The following TLN2 variants were observed in gnomAD, a reference collection of about 807,000 sequenced individuals.
TLN2 encodes talin-2.
TLN2 carries 118 observed loss-of-function variants against 294.7 expected under a neutral mutation model. That is an observed-to-expected ratio of 0.40 (90% CI 0.34 to 0.47). TLN2 has a LOEUF of 0.47. TLN2 is among the 20% of genes least tolerant of loss of function. The probability of loss-of-function intolerance (pLI) is 0.84; values close to 1 mark genes in which losing one functional copy is unlikely to be tolerated. For synonymous variants in TLN2, 1,431 were observed against 1,304.5 expected, an observed-to-expected ratio of 1.10 and a Z score of -2.09; for missense variants, 3,083 against 3,282.2, an observed-to-expected ratio of 0.94 and a Z score of 1.48.
intron 1 of TLN2, among the ~76,000 whole-genome samples, chr15:62,424,654 T>G: frequency 1.0e-5 from 1 of 97,572 alleles, no homozygotes; most frequent in Non-Finnish European, 2.4e-5. Context: ...TTCTTTTTCC[T>G]TTTTTTTTGT....
intron 3 of TLN2, among the ~76,000 whole-genome samples, chr15:62,628,001 C>A (rs2049433836): frequency 6.6e-6 from 1 of 152,160 alleles, no homozygotes; most frequent in African/African-American, 2.4e-5. Context: ...AGGGCAAAAT[C>A]ACACAGGAAC....
chr15:62,488,760 C>G (rs953825443), intron 1 of TLN2, among the ~76,000 whole-genome samples: 1 of 152,196 alleles, frequency 6.6e-6, no homozygotes, highest in Non-Finnish European at 1.5e-5. Flanking sequence ...TTTACTGAGC[C>G]TCTCAGTGTG....
At chr15:62,643,948 A>G (rs1015748651) in intron 3 of TLN2, among the ~76,000 whole-genome samples, 1 of 152,140 alleles carries the variant, frequency 6.6e-6, no homozygotes, top group Non-Finnish European at 1.5e-5. Context: ...AACCATGTCT[A>G]TGTAGATAAC....
At chr15:62,426,158 G>C (rs942965555) in intron 1 of TLN2, among the ~76,000 whole-genome samples, 1 of 152,168 alleles carries the variant, frequency 6.6e-6, no homozygotes, top group East Asian at 1.9e-4. Context: ...GAAGCCATGG[G>C]GTGGTGTCCT....
At chr15:62,731,802 T>C (rs1338502124) in intron 28 of TLN2, among the ~76,000 whole-genome samples, 2 of 152,232 alleles carry the variant, frequency 1.3e-5, no homozygotes, top group Non-Finnish European at 2.9e-5. Context: ...AAATAAATGT[T>C]TTATATATGT....
chr15:62,702,698 C>A, intron 18 of TLN2, 68 bp from the exon 19 acceptor site: 1 of 1,481,724 alleles, frequency 6.7e-7, no homozygotes, highest in Non-Finnish European at 9.4e-7. Context: ...ACTTCCTGTA[C>A]TTCCATGTCT....
At chr15:62,565,142 G>A (rs1401986665) in intron 1 of TLN2, among the ~76,000 whole-genome samples, 1 of 152,014 alleles carries the variant, frequency 6.6e-6, no homozygotes, top group Non-Finnish European at 1.5e-5. Flanking sequence ...CATGCTGGGT[G>A]AAGTCCCAGC....
At chr15:62,445,577 A>G (rs958797395) in intron 1 of TLN2, among the ~76,000 whole-genome samples, 11 of 152,230 alleles carry the variant, frequency 7.2e-5, no homozygotes, top group African/African-American at 1.4e-4. Context: ...TGCTGAAACT[A>G]TTAATGTGAT....
At position 62,477,911 on chromosome 15, in the gene TLN2, T is replaced by A. The variant is rs866501013; in HGVS notation, c.-238+87226T>A. Among the ~76,000 whole-genome samples, 132 of 17,804 alleles carry A rather than the reference T, an allele frequency of 7.4e-3. 3 individuals carry two copies. The Middle Eastern group carries it at 0.11, about 14-fold the overall frequency. 11.7% of individuals were successfully genotyped at this position (17,804 alleles called of 152,430 possible). On this transcript the variant is annotated intron_variant, in intron 1 of 58. Transcript: ENST00000636159. ...GTGGTGGGGGGGATGGAGGGGGGGGTGCAGCGGGGGCAGAGGGGAGCGGGG... is the reference window on the plus strand; with the variant it reads ...GTGGTGGGGGGGATGGAGGGGGGGGAGCAGCGGGGGCAGAGGGGAGCGGGG...
intron 1 of TLN2, among the ~76,000 whole-genome samples, chr15:62,461,029 AC>A (rs1355282411): frequency 6.6e-6 from 1 of 152,002 alleles, no homozygotes; most frequent in Non-Finnish European, 1.5e-5. Context: ...GCTCACTGCA[AC>A]CTCTGCCTCC....
In TLN2 at chr15:62,766,426, A is replaced by G; in HGVS notation, c.5196+4A>G. 1 of 1,604,182 alleles carries G rather than the reference A, an allele frequency of 6.2e-7. No individual in the cohort carries two copies. Among genetic ancestry groups the G allele is most frequent in the South Asian group, 1.1e-5 (1 of 90,862 alleles). On this transcript the variant is annotated splice_donor_region_variant and intron_variant, in intron 41 of 58. Transcript: ENST00000636159. ...AGCAGCTCAGCTGGGACATAAGGTAATGCACACCGAGGGGATCCTGCGAGG... is the reference window on the plus strand; with the variant it reads ...AGCAGCTCAGCTGGGACATAAGGTAGTGCACACCGAGGGGATCCTGCGAGG...
chr15:62,522,046 C>T (rs2064748958), intron 1 of TLN2, among the ~76,000 whole-genome samples: 1 of 151,726 alleles, frequency 6.6e-6, no homozygotes, highest in South Asian at 2.1e-4. Flanking sequence ...ACTTCCCTTC[C>T]CATCATGGCC....
rs960855030 is a variant in TLN2 at position 62,453,540 on chromosome 15, A to G, written c.-238+62855A>G. On this transcript the variant is annotated intron_variant, in intron 1 of 58. Coordinates refer to ENST00000636159, the MANE Select transcript of TLN2 (RefSeq NM_015059.3). Reference sequence around the variant, plus strand: ...GCTTATCTGCCCCTGGCCATGGTTTATGTTGTTGACTGATTGCACCAGCTG... The same window carrying G: ...GCTTATCTGCCCCTGGCCATGGTTTGTGTTGTTGACTGATTGCACCAGCTG... 2.6e-5 allele frequency: 4 copies of G among 152,100 alleles called. No individual in the cohort carries two copies. In the East Asian group the frequency reaches 7.7e-4, roughly 29 times the overall value. The allele number at this position is 152,100 out of a possible 1,614,324, so 9.4% of individuals were successfully genotyped here. A position where few individuals can be genotyped will look rare whatever the true frequency, so the allele number is the denominator to read the frequency against.
intron 1 of TLN2, among the ~76,000 whole-genome samples, chr15:62,478,811 T>C (rs2037926239): frequency 2.0e-5 from 3 of 152,224 alleles, no homozygotes. Context: ...GCAGTTCTAG[T>C]GTCTTAGGTG....
intron 1 of TLN2, among the ~76,000 whole-genome samples, chr15:62,500,708 A>G (rs1486327732): frequency 6.6e-6 from 1 of 152,254 alleles, no homozygotes; most frequent in African/African-American, 2.4e-5. Context: ...AGTGACATCA[A>G]TGCCCACTTG....
intron 4 of TLN2, among the ~76,000 whole-genome samples, chr15:62,649,612 G>A (rs768835859): frequency 1.3e-5 from 2 of 152,080 alleles, no homozygotes; most frequent in South Asian, 2.1e-4. Context: ...CTTTTACACC[G>A]CTCAGTTGGG....
intron 52 of TLN2, among the ~76,000 whole-genome samples, chr15:62,815,879 A>G (rs1472092081): frequency 1.3e-5 from 2 of 152,196 alleles, no homozygotes; most frequent in Admixed American, 6.5e-5. Flanking sequence ...TCCCACTCCT[A>G]TTCTCTCTTT....
In TLN2 at chr15:62,841,084, C is replaced by T. The variant is rs2070636221; in HGVS notation, c.*474C>T. 6.5e-6 allele frequency: 1 copy of T among 153,436 alleles called. No individual in the cohort carries two copies. The highest frequency in any genetic ancestry group is 2.4e-5 in the African/African-American group (1 of 41,582). The allele number at this position is 153,436 out of a possible 1,614,324, so 9.5% of individuals were successfully genotyped here. ...GGTTCATAAAAGCCAGAAACACAAA[C>T]CCGTGTGGACTCCGGGAGGGTGACT... On this transcript the variant is annotated 3_prime_UTR_variant, in exon 59 of 59. Coordinates refer to ENST00000636159, the MANE Select transcript of TLN2 (RefSeq NM_015059.3).
chr15:62,744,404 A>ATT (rs71131126), intron 32 of TLN2, among the ~76,000 whole-genome samples: 15 of 125,030 alleles, frequency 1.2e-4, no homozygotes, highest in African/African-American at 3.6e-4. Context: ...GTTATTTTTA[A>ATT]TTTTTTTTTT....
Sources: gnomAD v4.1 joint callset for allele counts (sites outside exome capture counted in the v4.1 genomes callset) on GRCh38, gnomAD v4.1.1 for gene constraint, MANE v1.5 for transcripts, NCBI Gene and HGNC (gene_info 2026-07-23, HGNC 2026-07-21) for gene names.